ARPC1A: variants seen among roughly 807,000 people sequenced by gnomAD.
ARPC1A encodes actin-related protein 2/3 complex subunit 1A.
In ARPC1A, 8 loss-of-function variants were observed where a neutral mutation model predicts 46.9. The ratio of observed to expected loss-of-function variants is 0.17; its 90% CI spans 0.10 to 0.31. The LOEUF (loss-of-function observed/expected upper bound fraction) is 0.31. Ranked by LOEUF, ARPC1A falls within the 10% of genes least tolerant of loss-of-function variation. ARPC1A has a pLI of 1.00. For synonymous variants in ARPC1A, 152 were observed against 169.0 expected (o/e 0.90, Z 0.78); for missense variants, 286 against 483.6 (o/e 0.59, Z 3.83).
At position 99,335,011 on chromosome 7, in the gene ARPC1A, T is replaced by C. The variant is rs377314868; in HGVS notation, c.64+1594T>C. ...GGCACCAGCCACCATGCTCGGCTAA[T>C]TTTTTTTGTATTTTTAGTAGAGACA... is the stretch of plus-strand genomic sequence containing the variant. On this transcript the variant is annotated intron_variant, in intron 2 of 9. Transcript: ENST00000262942. Among the ~76,000 whole-genome samples the C allele has an allele frequency of 1.4e-4, 21 of 152,146 alleles. No individual in the cohort carries two copies. In the South Asian group the frequency reaches 4.4e-3, roughly 32 times the overall value.
rs1275273782 is a variant in ARPC1A at position 99,340,045 on chromosome 7, G to T, written c.169+1760G>T. On this transcript the variant is annotated intron_variant, in intron 3 of 9. Transcript: ENST00000262942. ...TTTTCCTGATTCATGGAAAAGTTGA[G>T]ATACTTTCAGACGTGTATTAGCCAT... The T allele has an allele frequency of 6.6e-6, 3 of 455,744 alleles. 1 individual carries two copies. The East Asian group carries it at 2.1e-4, about 32-fold the overall frequency. 28.2% of individuals were successfully genotyped at this position (455,744 alleles called of 1,614,324 possible).
At chr7:99,330,076 CAAATT>C (rs746319833) in intron 1 of ARPC1A, among the ~76,000 whole-genome samples, 43 of 149,698 alleles carry the variant, frequency 2.9e-4, no homozygotes, top group African/African-American at 7.7e-4. Flanking sequence ...AAAAAAAAAA[CAAATT>C]AAACATTCTC....
Position 99,339,890 on chromosome 7 carries a change from C to A in ARPC1A, c.169+1605C>A, listed in dbSNP as rs1793329777. 6.9e-6 allele frequency: 3 copies of A among 437,374 alleles called. No homozygotes were observed. The Admixed American group carries it at 7.1e-5, about 10-fold the overall frequency. 27.1% of individuals were successfully genotyped at this position (437,374 alleles called of 1,614,324 possible). On this transcript the variant is annotated intron_variant, in intron 3 of 9. Coordinates refer to ENST00000262942, the MANE Select transcript of ARPC1A (RefSeq NM_006409.4). Reference sequence around the variant, plus strand: ...ATATCTGCAGTGCAGTGTTGCCAGGCCTCATCAGATTGCCATCATTCCCAC... The same window carrying A: ...ATATCTGCAGTGCAGTGTTGCCAGGACTCATCAGATTGCCATCATTCCCAC...
chr7:99,344,226 C>T, intron 3 of ARPC1A, 67 bp from the exon 4 acceptor site: 1 of 1,500,860 alleles, frequency 6.7e-7, no homozygotes, highest in East Asian at 2.3e-5. Flanking sequence ...CAGTGCCACC[C>T]ACCTGCCTGT....
chr7:99,354,395 G>A (rs1584384582), intron 6 of ARPC1A, among the ~76,000 whole-genome samples: 4 of 150,630 alleles, frequency 2.7e-5, no homozygotes, highest in South Asian at 4.2e-4. Flanking sequence ...GGTGGTAGGC[G>A]CCTGTACTCC....
At chr7:99,341,059 A>C (rs1414056620) in intron 3 of ARPC1A, among the ~76,000 whole-genome samples, 1 of 152,222 alleles carries the variant, frequency 6.6e-6, no homozygotes, top group Non-Finnish European at 1.5e-5. Context: ...CTGTAATCCC[A>C]ACACTTTAGG....
intron 8 of ARPC1A, 129 bp from the exon 9 acceptor site, chr7:99,363,414 C>T (rs1793774936): frequency 1.4e-6 from 1 of 721,646 alleles, no homozygotes; most frequent in Non-Finnish European, 2.3e-6. Context: ...ACCCGCATCC[C>T]AGCTCTATTT....
chr7:99,362,648 G>A (rs1469411273), intron 8 of ARPC1A, among the ~76,000 whole-genome samples: 1 of 143,308 alleles, frequency 7.0e-6, no homozygotes, highest in African/African-American at 2.6e-5. Context: ...GGCCTTTGTT[G>A]TTTTTTTTTT....
At chr7:99,361,218 A>G (rs1476359377) in intron 8 of ARPC1A, among the ~76,000 whole-genome samples, 1 of 152,108 alleles carries the variant, frequency 6.6e-6, no homozygotes, top group East Asian at 1.9e-4. Flanking sequence ...AATGAGAACC[A>G]GAGACCTGGC....
rs182845799 is a variant in ARPC1A, at chr7:99,346,928, G to A, written c.393-1924G>A. Among the ~76,000 whole-genome samples, 8 of 152,222 alleles carry A rather than the reference G, an allele frequency of 5.3e-5. No homozygotes were observed. In the East Asian group the frequency reaches 9.7e-4, roughly 18 times the overall value. ...AGGGAGGTAGAGGTTGCAATGAGCC[G>A]AGACCATGCCACTGCACTCCAGCCT... On this transcript the variant is annotated intron_variant, in intron 4 of 9. Transcript: ENST00000262942.
intron 3 of ARPC1A, among the ~76,000 whole-genome samples, chr7:99,338,579 T>G (rs904376950): frequency 1.3e-5 from 2 of 151,592 alleles, no homozygotes; most frequent in Non-Finnish European, 2.9e-5. Context: ...TAGAGATAGG[T>G]TTCACCATGT....
At chr7:99,334,611 C>G (rs1438327972) in intron 2 of ARPC1A, among the ~76,000 whole-genome samples, 2 of 152,008 alleles carry the variant, frequency 1.3e-5, no homozygotes, top group African/African-American at 4.8e-5. Context: ...TTTTGTGTAT[C>G]CTGTAAGATA....
chr7:99,347,157 A>G (rs1017699021), intron 4 of ARPC1A, among the ~76,000 whole-genome samples: 4 of 151,920 alleles, frequency 2.6e-5, no homozygotes, highest in African/African-American at 9.7e-5. Context: ...GCAGTCTCCA[A>G]CTCCTGGGAT....
At chr7:99,327,611 C>G (rs368178861) in intron 1 of ARPC1A, among the ~76,000 whole-genome samples, 1 of 151,872 alleles carries the variant, frequency 6.6e-6, no homozygotes, top group Non-Finnish European at 1.5e-5. Flanking sequence ...TGTGAGACAC[C>G]ACACCCAGCT....
chr7:99,344,594 CCA>C, intron 4 of ARPC1A, 79 bp downstream of exon 4: 1 of 1,417,060 alleles, frequency 7.1e-7, no homozygotes, highest in East Asian at 2.3e-5. Context: ...CACCATAACT[CCA>C]GTTTTTCTCA....
chr7:99,334,874 C>T lies in ARPC1A; in HGVS notation c.64+1457C>T, dbSNP rs973453691. Among the ~76,000 whole-genome samples the T allele has an allele frequency of 7.3e-5, 11 of 151,454 alleles. 1 individual carries two copies. Among genetic ancestry groups the T allele is most frequent in the Admixed American group, 6.6e-4 (10 of 15,212 alleles). On this transcript the variant is annotated intron_variant, in intron 2 of 9. Transcript: ENST00000262942. ...TATTTTTTTTTTTGAGACGCAGTCT[C>T]GCTCTGTCGCCCAGGCTGGAGTGCA...
At chr7:99,331,262 G>T (rs1370724655) in intron 1 of ARPC1A, among the ~76,000 whole-genome samples, 3 of 152,122 alleles carry the variant, frequency 2.0e-5, no homozygotes, top group Non-Finnish European at 4.4e-5. Context: ...GGGCTTGGTG[G>T]TGCATGCTTG....
At chr7:99,339,401 C>T (rs902058313) in intron 3 of ARPC1A, among the ~76,000 whole-genome samples, 1 of 152,130 alleles carries the variant, frequency 6.6e-6, no homozygotes, top group African/African-American at 2.4e-5. Flanking sequence ...TGGTGGCATG[C>T]ACCTGTGGTC....
chr7:99,344,215 C>T, intron 3 of ARPC1A, 78 bp from the exon 4 acceptor site: 4 of 1,371,076 alleles, frequency 2.9e-6, no homozygotes, highest in Admixed American at 1.8e-5. Context: ...TCCTGGCATG[C>T]CAGTGCCACC....
Sources: allele counts gnomAD v4.1 joint callset (sites outside exome capture counted in the v4.1 genomes callset), GRCh38; gene constraint gnomAD v4.1.1; transcripts MANE v1.5; gene names NCBI Gene and HGNC (gene_info 2026-07-23, HGNC 2026-07-21).